The following EIF3H variants were observed in gnomAD, a reference collection of about 807,000 sequenced individuals.
The protein encoded by EIF3H is eIF-3-gamma.
EIF3H carries 26 observed loss-of-function variants against 44.2 expected under a neutral mutation model. The observed-to-expected ratio is 0.59, with a 90% confidence interval of 0.43 to 0.82. EIF3H has a LOEUF of 0.82. Among genes scored for constraint, EIF3H ranks in the 40% least tolerant of loss-of-function variants. The probability of loss-of-function intolerance (pLI) is 0.00; values close to 1 mark genes in which losing one functional copy is unlikely to be tolerated. For synonymous variants in EIF3H, 166 were observed against 151.9 expected (o/e 1.09, Z -0.68); for missense variants, 359 against 432.8 (o/e 0.83, Z 1.51).
chr8:116,672,395 G>GCT (rs2130819645), intron 2 of EIF3H, among the ~76,000 whole-genome samples: 1 of 152,300 alleles, frequency 6.6e-6, no homozygotes, highest in South Asian at 2.1e-4. Flanking sequence ...GAAGGCTAAG[G>GCT]CGGGAGGACT....
At chr8:116,657,946 G>T (rs144568863) in intron 3 of EIF3H, among the ~76,000 whole-genome samples, 134 of 152,244 alleles carry the variant, frequency 8.8e-4, no homozygotes, top group Middle Eastern at 6.8e-3. Context: ...GCCAATATTC[G>T]CCTAAAACCT....
intron 1 of EIF3H, among the ~76,000 whole-genome samples, chr8:116,729,847 C>CA (rs1814921237): frequency 6.6e-6 from 1 of 152,150 alleles, no homozygotes; most frequent in Non-Finnish European, 1.5e-5. Context: ...ACTTTGAAGG[C>CA]AAAACCTAAG....
intron 2 of EIF3H, among the ~76,000 whole-genome samples, chr8:116,711,024 T>C (rs1814565879): frequency 6.6e-6 from 1 of 152,220 alleles, no homozygotes; most frequent in African/African-American, 2.4e-5. Context: ...TTTAGAAATA[T>C]ATTCTATTTT....
chr8:116,679,073 G>A (rs1813911755), intron 2 of EIF3H, among the ~76,000 whole-genome samples: 1 of 59,776 alleles, frequency 1.7e-5, no homozygotes, highest in African/African-American at 4.7e-5. Context: ...ACTGGGAAGT[G>A]AGGAGTCCCT....
intron 1 of EIF3H, among the ~76,000 whole-genome samples, chr8:116,739,403 C>T (rs1044429196): frequency 6.6e-6 from 1 of 152,246 alleles, no homozygotes; most frequent in Admixed American, 6.5e-5. Flanking sequence ...GTAATCCCAG[C>T]ACTTTTGGAG....
chr8:116,649,982 C>A (rs758626793), intron 5 of EIF3H, among the ~76,000 whole-genome samples: 1 of 152,102 alleles, frequency 6.6e-6, no homozygotes, highest in Non-Finnish European at 1.5e-5. Context: ...ACACAAGAGG[C>A]CTGGCATGGC....
At chr8:116,743,581 T>TA (rs1275091630) in intron 1 of EIF3H, among the ~76,000 whole-genome samples, 1 of 151,576 alleles carries the variant, frequency 6.6e-6, no homozygotes, top group East Asian at 1.9e-4. Flanking sequence ...CCATCTCTAC[T>TA]AAAAATACAA....
In EIF3H at chr8:116,646,596, T is replaced by A. The variant is rs766974333; in HGVS notation, c.836A>T (p.Gln279Leu). ...KQQQQKHQYQQRRQQENMQRQ... is the reference protein window; with the variant it reads ...KQQQQKHQYQLRRQQENMQRQ... ...CTGCATATTCTCCTGCTGGCGACGC[T>A]GCTGATACTAAAATTCAAAGGGAAA... Residue 279 changes from glutamine (Q) to leucine (L), a missense_variant, in exon 7 of 8, where the codon CAG (glutamine) becomes CTG (leucine). Gln to Leu is a moderately radical substitution (Grantham distance 113). This residue lies in a region of EIF3H where 94 missense variants were observed against 96.0 expected (regional missense o/e 0.98). Coordinates refer to ENST00000521861, the MANE Select transcript of EIF3H (RefSeq NM_003756.3). 2.5e-5 allele frequency: 40 copies of A among 1,613,886 alleles called. No homozygotes were observed. In the South Asian group the frequency reaches 4.1e-4, roughly 16 times the overall value.
intron 2 of EIF3H, among the ~76,000 whole-genome samples, chr8:116,712,114 C>T (rs1563649886): frequency 1.3e-5 from 2 of 152,162 alleles, no homozygotes; most frequent in Non-Finnish European, 2.9e-5. Flanking sequence ...CCGCCGCCGC[C>T]GCTGCTGCTG....
At chr8:116,758,884 A>G (rs1212793199), upstream of EIF3H, among the ~76,000 whole-genome samples, 1 of 152,218 alleles carries the variant, frequency 6.6e-6, no homozygotes, top group Non-Finnish European at 1.5e-5. Context: ...AGTGCTGAGA[A>G]AGAAGTTTAT....
chr8:116,705,416 A>G (rs1231223322), intron 2 of EIF3H, among the ~76,000 whole-genome samples: 1 of 152,026 alleles, frequency 6.6e-6, no homozygotes, highest in Non-Finnish European at 1.5e-5. Flanking sequence ...GGTAACTCAG[A>G]AAGACATTAG....
In EIF3H at chr8:116,745,829, G is replaced by A. The variant is rs543469762; in HGVS notation, c.132+9837C>T. 4.6e-5 allele frequency among the ~76,000 whole-genome samples: 7 copies of A among 152,068 alleles called. No individual in the cohort carries two copies. The East Asian group carries it at 7.8e-4, about 17-fold the overall frequency. ...AGCTACTCGGGAGGCTGAGGGGCACGAGAATCGCTTGAACCTAGGAGGTGG... is the reference window on the plus strand; with the variant it reads ...AGCTACTCGGGAGGCTGAGGGGCACAAGAATCGCTTGAACCTAGGAGGTGG... On this transcript the variant is annotated intron_variant, in intron 1 of 7. Coordinates refer to ENST00000521861, the MANE Select transcript of EIF3H (RefSeq NM_003756.3).
At chr8:116,646,677 A>G (rs1184543246) in intron 6 of EIF3H, 74 bp from the exon 7 acceptor site, 8 of 1,575,054 alleles carry the variant, frequency 5.1e-6, no homozygotes, top group African/African-American at 1.4e-5. Flanking sequence ...CTTCCCCTAC[A>G]CAACCAGCAG....
chr8:116,766,280 T>A (rs891459568), upstream of EIF3H: 1 of 279,584 alleles, frequency 3.6e-6, no homozygotes, highest in Non-Finnish European at 6.8e-6. Flanking sequence ...ACACGCTAAA[T>A]GTATTCTCGT....
At chr8:116,734,313 C>CT (rs1338431840) in intron 1 of EIF3H, 1 of 455,898 alleles carries the variant, frequency 2.2e-6, no homozygotes, top group Admixed American at 2.4e-5. Flanking sequence ...GAGAGGATAC[C>CT]TGACCAGAGA....
Position 116,645,073 on chromosome 8 carries a change from T to G in EIF3H, c.992A>C (p.Lys331Thr). Residue 331 changes from lysine to threonine, a missense_variant, in exon 8 of 8, where the codon AAG becomes ACG. By Grantham distance (78) the Lys-to-Thr change is moderately conservative. Transcript: ENST00000521861. ...GQINTYCQNI[K>T]EFTAQNLGKL... ...GCCTAAGTTTTGGGCAGTGAACTCC[T>G]TGATGTTCTGGCAGTAAGTGTTTAT... is the stretch of plus-strand genomic sequence containing the variant. 2 of 1,614,156 alleles carry G rather than the reference T, an allele frequency of 1.2e-6. No individual in the cohort carries two copies. Among genetic ancestry groups the G allele is most frequent in the Non-Finnish European group, 1.7e-6 (2 of 1,179,996 alleles).
chr8:116,670,000 T>C (rs1193315020), intron 2 of EIF3H, among the ~76,000 whole-genome samples: 1 of 152,262 alleles, frequency 6.6e-6, no homozygotes, highest in African/African-American at 2.4e-5. Flanking sequence ...TGGCAGCCCA[T>C]GATAAACGAC....
intron 1 of EIF3H, among the ~76,000 whole-genome samples, chr8:116,743,795 TATAAAC>T (rs1351204700): frequency 0.042 from 2,009 of 48,322 alleles, 56 homozygotes; most frequent in African/African-American, 0.14. Context: ...TATATATATA[TATAAAC>T]ACACACACAC....
At chr8:116,757,475 T>C (rs780939000), upstream of EIF3H, among the ~76,000 whole-genome samples, 79 of 152,320 alleles carry the variant, frequency 5.2e-4, no homozygotes, top group Non-Finnish European at 9.0e-4. Context: ...CTTTAAATAT[T>C]GAAGAGCACC....
Sources: allele counts gnomAD v4.1 joint callset (sites outside exome capture counted in the v4.1 genomes callset), GRCh38; gene constraint gnomAD v4.1.1; regional missense constraint gnomAD v4.1.1; transcripts MANE v1.5; gene names NCBI Gene and HGNC (gene_info 2026-07-23, HGNC 2026-07-21).